Variants in USP32 observed in about 807,000 individuals in gnomAD.
USP32 encodes ubiquitin specific peptidase 32, also known as ubiquitin carboxyl-terminal hydrolase 32.
USP32 carries 59 observed loss-of-function variants against 204.8 expected under a neutral mutation model. The ratio of observed to expected loss-of-function variants is 0.29; its 90% CI spans 0.23 to 0.36. The LOEUF is 0.36. Ranked by LOEUF, USP32 falls within the 10% of genes least tolerant of loss-of-function variation. The pLI, the probability that USP32 is intolerant of heterozygous loss-of-function variation, is 1.00. For synonymous variants in USP32, 517 were observed against 678.4 expected (o/e 0.76, Z 3.70); for missense variants, 1,160 against 1,946.4 (o/e 0.60, Z 7.60).
intron 2 of USP32, among the ~76,000 whole-genome samples, chr17:60,320,022 T>C (rs916471422): frequency 4.6e-5 from 7 of 152,146 alleles, no homozygotes; most frequent in Non-Finnish European, 8.8e-5. Flanking sequence ...GTATCTTCAA[T>C]ATCAGCATTG....
chr17:60,406,945 G>T (rs539082584), intron 1 of USP32, among the ~76,000 whole-genome samples: 16 of 152,274 alleles, frequency 1.1e-4, no homozygotes, highest in Admixed American at 4.6e-4. Context: ...AGTTAAAAGG[G>T]ACCAGATTAA....
chr17:60,321,871 C>T (rs1358483683), intron 2 of USP32, among the ~76,000 whole-genome samples: 12 of 139,884 alleles, frequency 8.6e-5, no homozygotes, highest in Non-Finnish European at 1.1e-4. Flanking sequence ...AATCAGATGG[C>T]TTTTTTTTTT....
rs139425883 is a variant in USP32, at chr17:60,339,206, C to T, written c.186+6275G>A. Among the ~76,000 whole-genome samples, 1,327 of 152,128 alleles carry T rather than the reference C, an allele frequency of 8.7e-3. 25 individuals are homozygous for T. Among genetic ancestry groups the T allele is most frequent in the African/African-American group, 0.029 (1,221 of 41,488 alleles). ...GATTGCAGGCATGAGCCACCGCGCC[C>T]AGCCTAGAAGAACATAAAAATATTA... On this transcript the variant is annotated intron_variant, in intron 2 of 33. Coordinates refer to ENST00000300896, the MANE Select transcript of USP32 (RefSeq NM_032582.4).
intron 2 of USP32, among the ~76,000 whole-genome samples, chr17:60,344,011 G>T (rs1313779869): frequency 3.3e-5 from 5 of 151,760 alleles, no homozygotes. Context: ...TCCAGCCTGG[G>T]CAACAAGAGC....
At chr17:60,321,181 G>T (rs773218700) in intron 2 of USP32, among the ~76,000 whole-genome samples, 51 of 152,294 alleles carry the variant, frequency 3.3e-4, no homozygotes, top group Non-Finnish European at 6.5e-4. Context: ...AGCTGTATAT[G>T]AATGGATATA....
intron 1 of USP32, among the ~76,000 whole-genome samples, chr17:60,413,075 TC>T (rs1220040163): frequency 6.6e-6 from 1 of 151,812 alleles, no homozygotes; most frequent in Non-Finnish European, 1.5e-5. Context: ...CAACCAGGGG[TC>T]TATTAAATGG....
At chr17:60,255,050 T>G in intron 10 of USP32, 125 bp downstream of exon 10, 1 of 297,084 alleles carries the variant, frequency 3.4e-6, no homozygotes, top group Non-Finnish European at 5.2e-6. Context: ...ATGTAGTTCT[T>G]TTTTTTTTTT....
rs376456894 is a variant in USP32, at chr17:60,368,601, A to C, written c.59-22993T>G. On this transcript the variant is annotated intron_variant, in intron 1 of 33. Transcript: ENST00000300896. ...AAACCAAGAATATTACCAAAAAAAA[A>C]CCCACATACACACAAAAACTATTAA... is the stretch of plus-strand genomic sequence containing the variant. Among the ~76,000 whole-genome samples the C allele has an allele frequency of 3.4e-3, 515 of 152,214 alleles. 2 individuals are homozygous for C. Among genetic ancestry groups the C allele is most frequent in the African/African-American group, 6.8e-3 (283 of 41,542 alleles).
At chr17:60,281,305 G>A (rs2086961051) in intron 5 of USP32, among the ~76,000 whole-genome samples, 1 of 152,224 alleles carries the variant, frequency 6.6e-6, no homozygotes, top group Admixed American at 6.5e-5. Context: ...TCGGGAGGCC[G>A]AGGCGGATGG....
intron 22 of USP32, among the ~76,000 whole-genome samples, chr17:60,209,113 T>C (rs943034933): frequency 6.6e-6 from 1 of 152,200 alleles, no homozygotes; most frequent in African/African-American, 2.4e-5. Flanking sequence ...ACTCTTTAAA[T>C]TCCACTGGAT....
chr17:60,205,373 G>A, intron 26 of USP32, 74 bp downstream of exon 26: 3 of 1,564,550 alleles, frequency 1.9e-6, no homozygotes, highest in Non-Finnish European at 2.6e-6. Flanking sequence ...CAATGATGTT[G>A]CAAAGACAGA....
intron 11 of USP32, among the ~76,000 whole-genome samples, chr17:60,246,399 GTA>G (rs1036551648): frequency 2.7e-5 from 4 of 147,664 alleles, no homozygotes; most frequent in South Asian, 2.1e-4. Flanking sequence ...ATGTGTGTGT[GTA>G]TATATATATA....
intron 31 of USP32, among the ~76,000 whole-genome samples, chr17:60,182,698 G>T (rs929999161): frequency 6.6e-6 from 1 of 152,112 alleles, no homozygotes; most frequent in African/African-American, 2.4e-5. Flanking sequence ...AGGAGGTAGA[G>T]GCTGCAGTGA....
chr17:60,366,845 G>A (rs2089324699), intron 1 of USP32, among the ~76,000 whole-genome samples: 1 of 151,288 alleles, frequency 6.6e-6, no homozygotes, highest in Non-Finnish European at 1.5e-5. Context: ...TCTTTTGAGA[G>A]GGAGTCTTGC....
intron 11 of USP32, among the ~76,000 whole-genome samples, chr17:60,239,563 T>G (rs1334237408): frequency 6.6e-6 from 1 of 152,188 alleles, no homozygotes; most frequent in Non-Finnish European, 1.5e-5. Flanking sequence ...TTAACTTCTC[T>G]GATTCATTCT....
At chr17:60,305,484 G>A (rs2087701409) in intron 2 of USP32, among the ~76,000 whole-genome samples, 1 of 152,028 alleles carries the variant, frequency 6.6e-6, no homozygotes, top group Admixed American at 6.6e-5. Flanking sequence ...CCAACATTGG[G>A]GATCACATTT....
chr17:60,344,665 G>A (rs763341119), intron 2 of USP32, among the ~76,000 whole-genome samples: 1 of 151,922 alleles, frequency 6.6e-6, no homozygotes, highest in Non-Finnish European at 1.5e-5. Flanking sequence ...ACTATGCCCA[G>A]GCTGGCCTGG....
chr17:60,236,018 CTTTAT>C, intron 12 of USP32, 115 bp downstream of exon 12: 1 of 800,534 alleles, frequency 1.2e-6, no homozygotes, highest in East Asian at 2.5e-5. Flanking sequence ...CCCTTCGAAT[CTTTAT>C]TTAAGTTGGA....
upstream of USP32, chr17:60,392,302 G>C (rs2089855458): frequency 8.7e-6 from 3 of 346,038 alleles, no homozygotes; most frequent in South Asian, 8.8e-5. Context: ...GGTAACGGCC[G>C]CCCAGGGCCG....
Sources: gnomAD v4.1 joint callset for allele counts (sites outside exome capture counted in the v4.1 genomes callset) on GRCh38, gnomAD v4.1.1 for gene constraint, MANE v1.5 for transcripts, NCBI Gene and HGNC (gene_info 2026-07-23, HGNC 2026-07-21) for gene names.